The following SHMT1 variants were observed in gnomAD, a reference collection of about 807,000 sequenced individuals.
SHMT1 encodes the protein serine hydroxymethyltransferase, cytosolic.
A neutral mutation model predicts 49.0 loss-of-function variants in SHMT1; 45 were observed. That is an observed-to-expected ratio of 0.92 (90% CI 0.72 to 1.18). The LOEUF is 1.18. SHMT1 is among the 50% of genes most tolerant of loss of function. SHMT1 has a pLI of 0.00. For missense variants in SHMT1, 541 were observed against 612.4 expected (o/e 0.88, Z 1.23); for synonymous variants, 232 against 246.6 (o/e 0.94, Z 0.55).
intron 8 of SHMT1, among the ~76,000 whole-genome samples, chr17:18,334,325 G>C (rs1477443538): frequency 6.6e-6 from 1 of 152,178 alleles, no homozygotes; most frequent in Non-Finnish European, 1.5e-5. Context: ...CTGGGCTCAA[G>C]TGACCCACCC....
Position 18,328,412 on chromosome 17 carries a change from G to T in SHMT1, c.*338C>A. 2.9e-6 allele frequency: 1 copy of T among 348,250 alleles called. No homozygotes were observed. The highest frequency in any genetic ancestry group is 5.5e-6 in the Non-Finnish European group (1 of 181,976). The allele number at this position is 348,250 out of a possible 1,614,324, so 21.6% of individuals were successfully genotyped here. A position where few individuals can be genotyped will look rare whatever the true frequency, so the allele number is the denominator to read the frequency against. On this transcript the variant is annotated 3_prime_UTR_variant, in exon 12 of 12. Coordinates refer to ENST00000316694, the MANE Select transcript of SHMT1 (RefSeq NM_004169.5). ...GAGGAAAGCCCAGGGAGAGTAAAAC[G>T]CTACAATCTTTCTAACAGCTTTGCC...
intron 1 of SHMT1, among the ~76,000 whole-genome samples, chr17:18,361,714 A>G (rs1986795304): frequency 6.7e-6 from 1 of 150,178 alleles, no homozygotes; most frequent in Non-Finnish European, 1.5e-5. Flanking sequence ...TGAACCCGGG[A>G]GGCGGAGCTT....
intron 11 of SHMT1, among the ~76,000 whole-genome samples, 173 bp from the exon 12 acceptor site, chr17:18,329,092 C>T (rs1982885612): frequency 6.6e-6 from 1 of 152,154 alleles, no homozygotes; most frequent in South Asian, 2.1e-4. Flanking sequence ...GGACAGATGT[C>T]CTGGGCAGCC....
chr17:18,357,864 C>CTTTTTTT (rs1165307729), intron 1 of SHMT1, among the ~76,000 whole-genome samples: 1 of 121,468 alleles, frequency 8.2e-6, no homozygotes, highest in African/African-American at 3.2e-5. Context: ...AGCTAGGACT[C>CTTTTTTT]TTTTTTTTTT....
intron 5 of SHMT1, chr17:18,341,087 G>A: frequency 2.0e-6 from 1 of 508,402 alleles, no homozygotes; most frequent in Non-Finnish European, 3.6e-6. Flanking sequence ...CCTGCAGAAT[G>A]AAACAAATGT....
Position 18,333,164 on chromosome 17 carries a change from A to G in SHMT1, c.1054+2T>C. The G allele has an allele frequency of 6.2e-7, 1 of 1,614,038 alleles. No homozygotes were observed. ...CCTGCTGAACACCATCTGTGTCTCT[A>G]CCTGTGACTATTTTGTAGCCCAGCT... On this transcript the variant is annotated splice_donor_variant, in intron 9 of 11. Coordinates refer to ENST00000316694, the MANE Select transcript of SHMT1 (RefSeq NM_004169.5). LOFTEE classifies it high-confidence loss of function.
chr17:18,348,265 G>C, intron 4 of SHMT1, 60 bp downstream of exon 4: 1 of 1,105,406 alleles, frequency 9.0e-7, no homozygotes. Context: ...CTTGGTGCAT[G>C]TCGGCCCTGG....
intron 8 of SHMT1, among the ~76,000 whole-genome samples, chr17:18,335,282 T>C (rs749603105): frequency 3.9e-5 from 6 of 152,186 alleles, no homozygotes; most frequent in Admixed American, 2.6e-4. Flanking sequence ...CTCCTAACTG[T>C]CAGATTCCTT....
rs545898423 is a variant in SHMT1, at chr17:18,352,313, A to AT, written c.242+1358dup. Among the ~76,000 whole-genome samples the AT allele has an allele frequency of 7.2e-5, 11 of 151,882 alleles. No individual in the cohort carries two copies. The South Asian group carries it at 2.3e-3, about 32-fold the overall frequency. On this transcript the variant is annotated intron_variant, in intron 3 of 11. Coordinates refer to ENST00000316694, the MANE Select transcript of SHMT1 (RefSeq NM_004169.5). The stretch of plus-strand genomic sequence containing the variant: ...AGGCGCCCGCCACCTTGCCAGGCTA[A>AT]TTTTTTGTATTTTTAGTAGAGACGG...
intron 3 of SHMT1, chr17:18,353,431 T>G: frequency 1.9e-6 from 1 of 535,044 alleles, no homozygotes; most frequent in East Asian, 3.5e-5. Flanking sequence ...CAAACTGGCC[T>G]GTTTTTCTAG....
intron 10 of SHMT1, 64 bp from the exon 11 acceptor site, chr17:18,329,452 A>G: frequency 7.7e-7 from 1 of 1,304,190 alleles, no homozygotes; most frequent in Non-Finnish European, 1.1e-6. Context: ...TGGTGCATTT[A>G]AAAAGGGACA....
rs1305742794 is a variant in SHMT1 at position 18,340,883 on chromosome 17, G to C, written c.520-70C>G. The C allele has an allele frequency of 5.5e-6, 6 of 1,099,334 alleles. No homozygotes were observed. Among genetic ancestry groups the C allele is most frequent in the Non-Finnish European group, 6.8e-6 (5 of 735,478 alleles). The allele number at this position is 1,099,334 out of a possible 1,614,324, so 68.1% of individuals were successfully genotyped here. A position where few individuals can be genotyped will look rare whatever the true frequency, so the allele number is the denominator to read the frequency against. On this transcript the variant is annotated intron_variant, in intron 5 of 11. Transcript: ENST00000316694. This position sits in a 1 kb window ranked among gnomAD's most constrained non-coding sequence, Gnocchi z 4.5. ...ACACCTGCCTCCTGTCCTCCCACTT[G>C]AACTGGCTCCACCCACCATGACAAG...
At chr17:18,338,320 G>A (rs565067914) in intron 7 of SHMT1, among the ~76,000 whole-genome samples, 1 of 151,994 alleles carries the variant, frequency 6.6e-6, no homozygotes, top group South Asian at 2.1e-4. Context: ...GGGAAGTGAG[G>A]AGCATCTCTG....
chr17:18,330,654 A>G lies in SHMT1; in HGVS notation c.1072T>C (p.Leu358=), dbSNP rs1464767678. The G allele has an allele frequency of 2.5e-6, 4 of 1,613,794 alleles. No individual in the cohort carries two copies. Among genetic ancestry groups the G allele is most frequent in the East Asian group, 2.2e-5 (1 of 44,888 alleles). The change falls in exon 10 of 12, where the codon TTG becomes CTG. Residue 358 remains leucine (L), a synonymous_variant. Transcript: ENST00000316694. ...KIVTGGSDNH[L]ILVDLRSKGT... is the part of the protein sequence containing the mutation. Reference sequence around the variant, plus strand: ...TTGGAACGGAGATCCACAAGGATCAAATGGTTGTCAGAACCACCTGGAAAC... The same window carrying G: ...TTGGAACGGAGATCCACAAGGATCAGATGGTTGTCAGAACCACCTGGAAAC...
chr17:18,339,552 CCTTT>C (rs1330363321), intron 7 of SHMT1, among the ~76,000 whole-genome samples: 42 of 151,770 alleles, frequency 2.8e-4, no homozygotes, highest in South Asian at 8.3e-4. Flanking sequence ...TCTGGGGATT[CCTTT>C]CTTTCTTTCT....
At chr17:18,332,391 A>G (rs1226738973) in intron 9 of SHMT1, 4 of 152,996 alleles carry the variant, frequency 2.6e-5, no homozygotes, top group African/African-American at 9.7e-5. Context: ...CAATCCTTAG[A>G]TCAGAGGGCC....
intron 1 of SHMT1, among the ~76,000 whole-genome samples, chr17:18,358,058 G>A (rs1025844463): frequency 2.0e-5 from 3 of 146,774 alleles, no homozygotes; most frequent in African/African-American, 7.5e-5. Context: ...CAGTAGAGAT[G>A]GGGTTTCACC....
chr17:18,361,785 C>CAA (rs754941626), intron 1 of SHMT1, among the ~76,000 whole-genome samples: 5 of 86,516 alleles, frequency 5.8e-5, no homozygotes, highest in Admixed American at 3.6e-4. Context: ...GACTCCGTCT[C>CAA]AAAAAAAAAA....
chr17:18,336,993 G>A (rs367853283), intron 7 of SHMT1, among the ~76,000 whole-genome samples: 5 of 152,080 alleles, frequency 3.3e-5, no homozygotes, highest in Admixed American at 6.6e-5. Flanking sequence ...AAGAGACAAC[G>A]CTCATGTGGC....
Sources: allele counts gnomAD v4.1 joint callset (sites outside exome capture counted in the v4.1 genomes callset), GRCh38; gene constraint gnomAD v4.1.1; non-coding constraint Gnocchi (gnomAD v3.1); transcripts MANE v1.5; gene names NCBI Gene and HGNC (gene_info 2026-07-23, HGNC 2026-07-21).